Variants in MCOLN2 observed in about 807,000 individuals in gnomAD.
MCOLN2 encodes mucolipin TRP cation channel 2.
A neutral mutation model predicts 67.5 loss-of-function variants in MCOLN2; 57 were observed. The ratio of observed to expected loss-of-function variants is 0.84; its 90% confidence interval spans 0.68 to 1.05. The LOEUF (loss-of-function observed/expected upper bound fraction) is 1.05, where lower values mean the gene tolerates loss of function less well. Among genes scored for constraint, MCOLN2 ranks in the 50% least tolerant of loss-of-function variants. MCOLN2 has a pLI of 0.00. For synonymous variants in MCOLN2, 246 were observed against 233.3 expected, an observed-to-expected ratio of 1.05 and a Z score of -0.50; for missense variants, 620 against 678.8, an observed-to-expected ratio of 0.91 and a Z score of 0.96.
chr1:84,958,666 C>A lies in MCOLN2; in HGVS notation c.274G>T (p.Ala92Ser), dbSNP rs781296543. The A allele has an allele frequency of 2.5e-6, 4 of 1,591,962 alleles. No individual in the cohort carries two copies. The South Asian group carries it at 4.7e-5, about 19-fold the overall frequency. ...GCAACAGTGTTATCTTCTTTGAAAG[C>A]AACCACCAGCTGGTTACTTAAACCA... ...RFGLSNQLVV[A>S]FKEDNTVAFK... The change falls in exon 3 of 14, where the codon GCT becomes TCT. Residue 92 changes from alanine to serine, a missense_variant. Ala to Ser is a moderately conservative substitution (Grantham distance 99, BLOSUM62 1). Transcript: ENST00000370608.
At chr1:84,940,300 T>G (rs1273357296) in intron 8 of MCOLN2, among the ~76,000 whole-genome samples, 1 of 152,216 alleles carries the variant, frequency 6.6e-6, no homozygotes, top group Non-Finnish European at 1.5e-5. Context: ...TCTGTGGACT[T>G]CCAATTTCCC....
chr1:84,960,477 G>T (rs600924), intron 2 of MCOLN2, among the ~76,000 whole-genome samples: 53,150 of 152,040 alleles, frequency 0.35, 9,612 homozygotes, highest in African/African-American at 0.42. Context: ...CGCTTGAGAA[G>T]GTACACAGAT....
chr1:84,959,457 T>G (rs1355435194), intron 2 of MCOLN2, among the ~76,000 whole-genome samples: 1 of 152,160 alleles, frequency 6.6e-6, no homozygotes, highest in Non-Finnish European at 1.5e-5. Flanking sequence ...GTTTTCTTCT[T>G]GGAACCCAAT....
At position 84,965,586 on chromosome 1, in the gene MCOLN2, C is replaced by T. The variant is rs369781426; in HGVS notation, c.200G>A (p.Gly67Asp). The stretch of plus-strand genomic sequence containing the variant: ...CATGACTATCTTCAAAATCTGCAAA[C>T]CCAGTTTCCACGGAATCTGGCGTCT... ...RARRQIPWKLGLQILKIVMVT... is the reference protein window; with the variant it reads ...RARRQIPWKLDLQILKIVMVT... Residue 67 changes from glycine (G) to aspartate (D), a missense_variant, in exon 2 of 14, where the codon GGT (glycine) becomes GAT (aspartate). Physicochemically the swap from Gly to Asp is moderately conservative, Grantham distance 94 (BLOSUM62 -1). Coordinates refer to ENST00000370608, the MANE Select transcript of MCOLN2 (RefSeq NM_153259.4). The T allele has an allele frequency of 6.2e-7, 1 of 1,613,890 alleles. No homozygotes were observed. The highest frequency in any genetic ancestry group is 1.3e-5 in the African/African-American group (1 of 74,896).
At chr1:84,954,967 C>A (rs763973777) in intron 4 of MCOLN2, among the ~76,000 whole-genome samples, 6 of 152,176 alleles carry the variant, frequency 3.9e-5, no homozygotes, top group Non-Finnish European at 7.3e-5. Context: ...GTGTCCCCAA[C>A]CAAATCTCAT....
intron 4 of MCOLN2, among the ~76,000 whole-genome samples, chr1:84,953,998 C>T (rs1648650872): frequency 6.6e-6 from 1 of 152,200 alleles, no homozygotes; most frequent in Non-Finnish European, 1.5e-5. Flanking sequence ...GGAAAACTCA[C>T]TGGCTGATTC....
In MCOLN2 at chr1:84,938,010, T is replaced by G; in HGVS notation, c.1183A>C (p.Arg395=). The G allele has an allele frequency of 1.2e-6, 2 of 1,614,102 alleles. No individual in the cohort carries two copies. Among genetic ancestry groups the G allele is most frequent in the Non-Finnish European group, 1.7e-6 (2 of 1,179,942 alleles). The change falls in exon 10 of 14, where the codon AGA becomes CGA. Residue 395 remains arginine, a synonymous_variant. Transcript: ENST00000370608. ...STLLVWVGVI[R]YLGYFQAYNV... ...TATGCCTGGAAATAACCCAGGTATC[T>G]GATGACTCCAACCCAAACCAAGAGC...
chr1:84,958,599 T>C lies in MCOLN2; in HGVS notation c.341A>G (p.Glu114Gly). 6.2e-7 allele frequency: 1 copy of C among 1,611,634 alleles called. No homozygotes were observed. The highest frequency in any genetic ancestry group is 8.5e-7 in the Non-Finnish European group (1 of 1,179,494). ...ATATACACTGCAGCTGTAGTCATCT[T>C]CATCTGTACCAGAATATCCTTTCAA... is the stretch of plus-strand genomic sequence containing the variant. ...LFLKGYSGTD[E>G]DDYSCSVYTQ... Residue 114 changes from glutamate (E) to glycine (G), a missense_variant, in exon 3 of 14, where the codon GAA becomes GGA. Physicochemically the swap from Glu to Gly is moderately conservative, Grantham distance 98. Transcript: ENST00000370608.
chr1:84,947,011 G>C, intron 7 of MCOLN2, 22 bp downstream of exon 7: 1 of 1,063,330 alleles, frequency 9.4e-7, no homozygotes, highest in Non-Finnish European at 1.5e-6. Context: ...AATTCCCATG[G>C]GCAAGTATAT....
At chr1:84,969,230 C>T (rs1571013013) in intron 1 of MCOLN2, among the ~76,000 whole-genome samples, 2 of 152,154 alleles carry the variant, frequency 1.3e-5, no homozygotes, top group South Asian at 4.1e-4. Context: ...TCATTCAAAC[C>T]CAAAGAGGGA....
intron 4 of MCOLN2, among the ~76,000 whole-genome samples, chr1:84,954,151 A>G (rs1648658633): frequency 6.6e-6 from 1 of 152,224 alleles, no homozygotes; most frequent in South Asian, 2.1e-4. Flanking sequence ...GGCACTCAAA[A>G]TATGTCCTGA....
intron 1 of MCOLN2, among the ~76,000 whole-genome samples, chr1:84,988,183 C>T (rs77532205): frequency 2.0e-5 from 3 of 152,044 alleles, no homozygotes; most frequent in East Asian, 3.9e-4. Flanking sequence ...CTTGGGTGCA[C>T]AGCAGAATCA....
chr1:84,949,377 G>C (rs538771330), intron 6 of MCOLN2, among the ~76,000 whole-genome samples: 2 of 152,280 alleles, frequency 1.3e-5, no homozygotes, highest in African/African-American at 4.8e-5. Context: ...GGTGGCTCAC[G>C]CCTGTAATCC....
chr1:84,984,467 A>C (rs969246456), intron 1 of MCOLN2, among the ~76,000 whole-genome samples: 1 of 152,162 alleles, frequency 6.6e-6, no homozygotes, highest in African/African-American at 2.4e-5. Flanking sequence ...TAACTTTGGG[A>C]ACTCCTTCAC....
rs1650619899 is a variant in MCOLN2, at chr1:84,987,503, G to GGTATATACAT, written c.77+9292_77+9293insATGTATATAC. On this transcript the variant is annotated intron_variant, in intron 1 of 13. Coordinates refer to ENST00000370608, the MANE Select transcript of MCOLN2 (RefSeq NM_153259.4). Reference sequence around the variant, plus strand: ...ATACATATATACATATGTATACATAGATGTATACATATGTATATATGTATA... The same window carrying GGTATATACAT: ...ATACATATATACATATGTATACATAGGTATATACATATGTATACATATGTATATATGTATA... Among the ~76,000 whole-genome samples the GGTATATACAT allele has an allele frequency of 1.5e-4, 3 of 19,996 alleles. 1 individual carries two copies. The highest frequency in any genetic ancestry group is 3.7e-4 in the African/African-American group (3 of 8,052). 13.1% of individuals were successfully genotyped at this position (19,996 alleles called of 152,430 possible).
At chr1:84,951,158 G>A (rs12124346) in intron 6 of MCOLN2, among the ~76,000 whole-genome samples, 36,089 of 151,938 alleles carry the variant, frequency 0.24, 4,425 homozygotes, top group South Asian at 0.3. Context: ...CTTTTATTTC[G>A]TTTACTTGTT....
At chr1:84,981,540 A>G (rs932879363) in intron 1 of MCOLN2, among the ~76,000 whole-genome samples, 7 of 152,190 alleles carry the variant, frequency 4.6e-5, no homozygotes, top group African/African-American at 1.7e-4. Context: ...TGTTAAGTAA[A>G]ATAAGCCAGG....
chr1:84,996,929 C>G lies in MCOLN2; in HGVS notation c.-57G>C, dbSNP rs567663887. On this transcript the variant is annotated 5_prime_UTR_variant, in exon 1 of 14. An upstream open reading frame in the 5' UTR loses its in-frame stop. Transcript: ENST00000370608. ...GGGATTCGGAACAGGAAACACCGTT[C>G]ACGGCCGACTCATTTCGCCCTCGCC... 19 of 1,481,608 alleles carry G rather than the reference C, an allele frequency of 1.3e-5. 1 individual carries two copies. The highest frequency in any genetic ancestry group is 5.7e-5 in the South Asian group (5 of 87,788). The allele number at this position is 1,481,608 out of a possible 1,614,324, so 91.8% of individuals were successfully genotyped here.
intron 7 of MCOLN2, among the ~76,000 whole-genome samples, chr1:84,945,960 G>A (rs1017214715): frequency 6.6e-6 from 1 of 152,108 alleles, no homozygotes; most frequent in Non-Finnish European, 1.5e-5. Context: ...TGTTGACCAG[G>A]CTGATCTTGA....
Sources: gnomAD v4.1 joint callset for allele counts (sites outside exome capture counted in the v4.1 genomes callset) on GRCh38, gnomAD v4.1.1 for gene constraint, MANE v1.5 for transcripts, NCBI Gene and HGNC (gene_info 2026-07-23, HGNC 2026-07-21) for gene names.